RCAN2: variants seen among roughly 807,000 people sequenced by gnomAD.
RCAN2 encodes the protein regulator of calcineurin 2.
A neutral mutation model predicts 23.6 loss-of-function variants in RCAN2; 9 were observed. The observed-to-expected ratio is 0.38, with a 90% CI of 0.23 to 0.67. The LOEUF is 0.67. RCAN2 is among the 30% of genes least tolerant of loss of function. The pLI is 0.51. For missense variants in RCAN2, 273 were observed against 302.3 expected (o/e 0.90, Z 0.72); for synonymous variants, 109 against 115.7 (o/e 0.94, Z 0.37).
intron 2 of RCAN2, among the ~76,000 whole-genome samples, chr6:46,377,234 T>A (rs1383440424): frequency 6.6e-6 from 1 of 152,180 alleles, no homozygotes; most frequent in African/African-American, 2.4e-5. Context: ...AAGTCGCTGG[T>A]ATGCCCAAGG....
chr6:46,478,474 C>G (rs16874654), intron 1 of RCAN2, among the ~76,000 whole-genome samples: 10,025 of 152,206 alleles, frequency 0.066, 440 homozygotes, highest in East Asian at 0.14. Flanking sequence ...CAATATGGCC[C>G]TGGGCTACCC....
rs543500907 is a variant in RCAN2 at position 46,293,663 on chromosome 6, C to T, written c.226-44767G>A. On this transcript the variant is annotated intron_variant, in intron 2 of 4. Transcript: ENST00000371374. ...TCTACCATCTGCTGGCCATTAGGCC[C>T]TGGGGAAGCAGAAACAAAAAACCTG... 9.2e-5 allele frequency among the ~76,000 whole-genome samples: 14 copies of T among 152,190 alleles called. No individual in the cohort carries two copies. The Middle Eastern group carries it at 0.014, about 148-fold the overall frequency.
At chr6:46,229,987 C>T (rs1393667380) in intron 4 of RCAN2, among the ~76,000 whole-genome samples, 1 of 152,188 alleles carries the variant, frequency 6.6e-6, no homozygotes, top group Non-Finnish European at 1.5e-5. Context: ...TGTTAGTTTT[C>T]CTTCTAACAG....
chr6:46,448,938 T>TACC (rs772013761), intron 2 of RCAN2, among the ~76,000 whole-genome samples: 4 of 151,802 alleles, frequency 2.6e-5, no homozygotes, highest in Non-Finnish European at 5.9e-5. Flanking sequence ...AAGCCACTCT[T>TACC]ACCACTTTTA....
chr6:46,347,548 C>T (rs9296491), intron 2 of RCAN2, among the ~76,000 whole-genome samples: 64,169 of 152,058 alleles, frequency 0.42, 14,983 homozygotes, highest in East Asian at 0.6. Context: ...TAATCTTAAT[C>T]TCAACCAAAA....
At position 46,331,138 on chromosome 6, in the gene RCAN2, AT is replaced by A. The variant is rs199552603; in HGVS notation, c.226-82243del. Among the ~76,000 whole-genome samples, 715 of 152,350 alleles carry A rather than the reference AT, an allele frequency of 4.7e-3. 4 individuals carry two copies. The highest frequency in any genetic ancestry group is 0.016 in the African/African-American group (680 of 41,584). On this transcript the variant is annotated intron_variant, in intron 2 of 4. Coordinates refer to ENST00000371374, the MANE Select transcript of RCAN2 (RefSeq NM_001251974.2). ...ATCTACTATTTAGTTACTTTGAGCC[AT>A]GGTTTTTGTAATAAAGGCAAAAATA...
At chr6:46,262,588 T>TTAAATAAATACA (rs1554128384) in intron 2 of RCAN2, among the ~76,000 whole-genome samples, 3 of 146,586 alleles carry the variant, frequency 2.0e-5, no homozygotes, top group Middle Eastern at 3.4e-3. Context: ...AGCCTCTGTC[T>TTAAATAAATACA]TAAATAAATA....
chr6:46,438,003 T>C (rs1218021562), intron 2 of RCAN2, among the ~76,000 whole-genome samples: 2 of 152,202 alleles, frequency 1.3e-5, no homozygotes, highest in Admixed American at 1.3e-4. Flanking sequence ...ATAAAATGTT[T>C]CTTTCCCACC....
intron 1 of RCAN2, among the ~76,000 whole-genome samples, chr6:46,488,501 A>G (rs1392008058): frequency 6.6e-6 from 1 of 152,186 alleles, no homozygotes; most frequent in East Asian, 1.9e-4. Flanking sequence ...TAAAGGTAGA[A>G]ACAACTTCCT....
intron 4 of RCAN2, among the ~76,000 whole-genome samples, chr6:46,239,223 A>T (rs375421498): frequency 3.3e-5 from 5 of 152,238 alleles, no homozygotes; most frequent in Non-Finnish European, 5.9e-5. Context: ...CATAAAAATC[A>T]TAGCTATTTG....
intron 2 of RCAN2, among the ~76,000 whole-genome samples, chr6:46,317,437 A>G (rs1763474991): frequency 6.6e-6 from 1 of 152,142 alleles, no homozygotes; most frequent in East Asian, 1.9e-4. Flanking sequence ...TTATACCCCA[A>G]TAACTTTTCT....
chr6:46,399,982 A>G (rs141146352), intron 2 of RCAN2, among the ~76,000 whole-genome samples: 34 of 152,330 alleles, frequency 2.2e-4, no homozygotes, highest in Non-Finnish European at 4.3e-4. Flanking sequence ...GAGGTGGCTC[A>G]GCACTCATGT....
chr6:46,314,377 A>G (rs1763360064), intron 2 of RCAN2, among the ~76,000 whole-genome samples: 1 of 150,828 alleles, frequency 6.6e-6, no homozygotes, highest in Non-Finnish European at 1.5e-5. Flanking sequence ...AAAAAAAAAA[A>G]AAGAAAAGAA....
At chr6:46,385,216 C>A (rs941666022) in intron 2 of RCAN2, among the ~76,000 whole-genome samples, 1 of 152,166 alleles carries the variant, frequency 6.6e-6, no homozygotes, top group East Asian at 1.9e-4. Context: ...ATGACTCCAA[C>A]CCAAGGAAAA....
intron 2 of RCAN2, among the ~76,000 whole-genome samples, chr6:46,356,915 A>T (rs571223238): frequency 1.3e-5 from 2 of 152,382 alleles, no homozygotes; most frequent in South Asian, 4.1e-4. Flanking sequence ...ATCAAGTTCA[A>T]CAGGTGGATC....
intron 2 of RCAN2, among the ~76,000 whole-genome samples, chr6:46,376,477 C>T (rs1765463161): frequency 6.6e-6 from 1 of 152,096 alleles, no homozygotes; most frequent in South Asian, 2.1e-4. Context: ...GCCAGGAGTT[C>T]GAGACCAGCC....
At chr6:46,251,302 T>C (rs1233445638) in intron 2 of RCAN2, among the ~76,000 whole-genome samples, 2 of 152,238 alleles carry the variant, frequency 1.3e-5, no homozygotes, top group African/African-American at 4.8e-5. Flanking sequence ...GCAGGAATAC[T>C]GATGACTAAA....
At chr6:46,290,436 G>A (rs933831263) in intron 2 of RCAN2, among the ~76,000 whole-genome samples, 4 of 152,140 alleles carry the variant, frequency 2.6e-5, no homozygotes, top group Admixed American at 2.6e-4. Flanking sequence ...TTTGCAGGAG[G>A]CCACTTTGTC....
intron 2 of RCAN2, among the ~76,000 whole-genome samples, chr6:46,297,436 GCT>G (rs1762758655): frequency 6.6e-6 from 1 of 152,084 alleles, no homozygotes; most frequent in Non-Finnish European, 1.5e-5. Flanking sequence ...GTGCAGAAGT[GCT>G]AACCCACCTG....
Sources: allele counts gnomAD v4.1 joint callset (sites outside exome capture counted in the v4.1 genomes callset), GRCh38; gene constraint gnomAD v4.1.1; transcripts MANE v1.5; gene names NCBI Gene and HGNC (gene_info 2026-07-23, HGNC 2026-07-21).